Variants in MYBPC3 observed in about 807,000 individuals in gnomAD.
MYBPC3 encodes myosin binding protein C3.
Under a neutral mutation model 159.3 loss-of-function variants are expected in MYBPC3, and 108 were observed. The ratio of observed to expected loss-of-function variants is 0.68; its 90% confidence interval spans 0.58 to 0.80. The LOEUF (loss-of-function observed/expected upper bound fraction) is 0.80. Ranked by LOEUF, MYBPC3 falls within the 30% of genes least tolerant of loss-of-function variation. The pLI is 0.00. For synonymous variants in MYBPC3, 730 were observed against 702.0 expected, an observed-to-expected ratio of 1.04 and a Z score of -0.63; for missense variants, 1,631 against 1,762.1, an observed-to-expected ratio of 0.93 and a Z score of 1.33.
At position 47,338,533 on chromosome 11, in the gene MYBPC3, T is replaced by A. The variant is rs764539455; in HGVS notation, c.2295A>T (p.Thr765=). Residue 765 remains threonine (T), a synonymous_variant, in exon 23 of 35, where the codon ACA becomes ACT. Coordinates refer to ENST00000545968, the MANE Select transcript of MYBPC3 (RefSeq NM_000256.3). The surrounding 1 kb of genome is among the most constrained non-coding windows in gnomAD (Gnocchi z 4.7). ...NPVGEDQVNL[T]VKVIDVPDAP... The stretch of plus-strand genomic sequence containing the variant: ...GGCCGGCCTCACCGATGACCTTGAC[T>A]GTGAGGTTGACCTGGTCCTCGCCCA... 1 of 1,614,034 alleles carries A rather than the reference T, an allele frequency of 6.2e-7. No homozygotes were observed. Among genetic ancestry groups the A allele is most frequent in the Admixed American group, 1.7e-5 (1 of 60,034 alleles).
chr11:47,336,037 G>T (rs2095881987), intron 25 of MYBPC3, 26 bp from the exon 26 acceptor site: 3 of 1,445,596 alleles, frequency 2.1e-6, no homozygotes, highest in Non-Finnish European at 2.7e-6. Context: ...GTCAGAGAGG[G>T]GTCTGAGCAA....
At position 47,346,653 on chromosome 11, in the gene MYBPC3, G is replaced by T; in HGVS notation, c.909-9C>A. On this transcript the variant is annotated splice_polypyrimidine_tract_variant and intron_variant, in intron 10 of 34. Transcript: ENST00000545968. The surrounding 1 kb of genome is among the most constrained non-coding windows in gnomAD (Gnocchi z 5.3). ...TCGGGGTCCGGAAACTGCTGCTCCA[G>T]GGGTGGGGGTGGGAGAAAGGGTAGG... 1 of 1,598,350 alleles carries T rather than the reference G, an allele frequency of 6.3e-7. No homozygotes were observed. Among genetic ancestry groups the T allele is most frequent in the South Asian group, 1.1e-5 (1 of 88,994 alleles).
chr11:47,342,550 C>A, intron 17 of MYBPC3, 28 bp downstream of exon 17: 1 of 1,541,616 alleles, frequency 6.5e-7, no homozygotes, highest in Non-Finnish European at 8.7e-7. Flanking sequence ...AGCCCTAAAG[C>A]CTCATGTGCC....
At chr11:47,335,759 G>A in intron 26 of MYBPC3, 118 bp downstream of exon 26, 1 of 834,872 alleles carries the variant, frequency 1.2e-6, no homozygotes, top group Non-Finnish European at 1.7e-6. Context: ...ATTTCTCTGG[G>A]TGTCCTCAAC....
At chr11:47,349,963 C>T in intron 4 of MYBPC3, 41 bp from the exon 5 acceptor site, 2 of 1,567,848 alleles carry the variant, frequency 1.3e-6, no homozygotes, top group Non-Finnish European at 1.7e-6. Flanking sequence ...GGGGAGTGTC[C>T]TGCTGCCCCC....
At position 47,343,470 on chromosome 11, in the gene MYBPC3, C is replaced by G. The variant is rs1263846244; in HGVS notation, c.1223+22G>C. 5 of 1,564,840 alleles carry G rather than the reference C, an allele frequency of 3.2e-6. No individual in the cohort carries two copies. The Admixed American group carries it at 9.4e-5, about 29-fold the overall frequency. On this transcript the variant is annotated intron_variant, in intron 13 of 34. Coordinates refer to ENST00000545968, the MANE Select transcript of MYBPC3 (RefSeq NM_000256.3). ...GGGGTCCCCACCTCCACCCGAGCCC[C>G]CCTCCCCACCCCAGGCTGCACCTGC...
At chr11:47,339,467 C>T in intron 21 of MYBPC3, 63 bp from the exon 22 acceptor site, 1 of 1,561,268 alleles carries the variant, frequency 6.4e-7, no homozygotes, top group Non-Finnish European at 8.8e-7. Flanking sequence ...AAGCGCCCCT[C>T]TGCTGCTTCT....
At position 47,342,141 on chromosome 11, in the gene MYBPC3, AC is replaced by A. The variant is rs757777349; in HGVS notation, c.1639del (p.Val547CysfsTer8). The A allele has an allele frequency of 6.2e-7, 1 of 1,613,506 alleles. No individual in the cohort carries two copies. Among genetic ancestry groups the A allele is most frequent in the East Asian group, 2.2e-5 (1 of 44,832 alleles). On this transcript the variant is annotated frameshift_variant, in exon 18 of 35. Transcript: ENST00000545968. LOFTEE classifies it high-confidence loss of function. ...ELIVQEKKLE[V>X]YQSIADLMVG... is the part of the protein sequence containing the mutation. ...CATCAGGTCTGCGATGCTCTGGTACACCTCCAGCTTCTTTTCTGCAGGGCAG... is the reference window on the plus strand; with the variant it reads ...CATCAGGTCTGCGATGCTCTGGTACACTCCAGCTTCTTTTCTGCAGGGCAG...
At position 47,332,064 on chromosome 11, in the gene MYBPC3, C is replaced by T. The variant is rs1488843018; in HGVS notation, c.3814+8G>A. On this transcript the variant is annotated splice_region_variant and intron_variant, in intron 33 of 34. Coordinates refer to ENST00000545968, the MANE Select transcript of MYBPC3 (RefSeq NM_000256.3). This position sits in a 1 kb window ranked among gnomAD's most constrained non-coding sequence, Gnocchi z 4.2. Reference sequence around the variant, plus strand: ...ATCTCCCAGGCCCTGGCCCCGAGGGCTCCTCACCTCGCACCTCCAGGCGGC... The same window carrying T: ...ATCTCCCAGGCCCTGGCCCCGAGGGTTCCTCACCTCGCACCTCCAGGCGGC... The T allele has an allele frequency of 2.5e-6, 4 of 1,606,620 alleles. No homozygotes were observed. The highest frequency in any genetic ancestry group is 3.4e-6 in the Non-Finnish European group (4 of 1,175,078).
chr11:47,340,275 A>G (rs768703166), intron 20 of MYBPC3, among the ~76,000 whole-genome samples: 1 of 152,128 alleles, frequency 6.6e-6, no homozygotes, highest in Non-Finnish European at 1.5e-5. Context: ...ACACAGACAC[A>G]TGCACACACA....
chr11:47,343,231 C>G (rs369671269), intron 14 of MYBPC3, 29 bp downstream of exon 14: 2 of 1,573,234 alleles, frequency 1.3e-6, no homozygotes. Context: ...CTGTGCCCCC[C>G]ACCCCAAGCC....
chr11:47,337,764 A>G lies in MYBPC3; in HGVS notation c.2339T>C (p.Ile780Thr), dbSNP rs747912257. 5 of 1,553,958 alleles carry G rather than the reference A, an allele frequency of 3.2e-6. No homozygotes were observed. Among genetic ancestry groups the G allele is most frequent in the Non-Finnish European group, 4.4e-6 (5 of 1,148,672 alleles). ...GCAGGAGTCCTCTCCCACGTTGCTGATCTTGGGGGCCGCAGGTGCGTCTGG... is the reference window on the plus strand; with the variant it reads ...GCAGGAGTCCTCTCCCACGTTGCTGGTCTTGGGGGCCGCAGGTGCGTCTGG... ...DVPDAPAAPK[I>T]SNVGEDSCTV... is the part of the protein sequence containing the mutation. Residue 780 changes from isoleucine to threonine, a missense_variant, in exon 24 of 35, where the codon ATC becomes ACC. Coordinates refer to ENST00000545968, the MANE Select transcript of MYBPC3 (RefSeq NM_000256.3).
Position 47,333,174 on chromosome 11 carries a change from A to G in MYBPC3, c.3330+20T>C, listed in dbSNP as rs1333981658. The stretch of plus-strand genomic sequence containing the variant: ...GGGCCTAGGCAGGGTGCACGTGGGG[A>G]CCCCAGACCCTGGGCTCACCATGGT... On this transcript the variant is annotated intron_variant, in intron 30 of 34. Transcript: ENST00000545968. 1.3e-6 allele frequency: 2 copies of G among 1,597,580 alleles called. No homozygotes were observed. The highest frequency in any genetic ancestry group is 2.3e-5 in the East Asian group (1 of 44,384).
Position 47,342,696 on chromosome 11 carries a change from C to T in MYBPC3, c.1506G>A (p.Arg502=), listed in dbSNP as rs1481158714. The T allele has an allele frequency of 6.2e-7, 1 of 1,614,046 alleles. No homozygotes were observed. The highest frequency in any genetic ancestry group is 8.5e-7 in the Non-Finnish European group (1 of 1,179,900). ...GGTGTCTCTGCCCGTCCTTCTTGAA[C>T]CGGTATTTGAAGGTCTCCTCCCGGG... ...ELTREETFKY[R]FKKDGQRHHL... is the part of the protein sequence containing the mutation. Residue 502 remains arginine, a synonymous_variant, in exon 17 of 35, where the codon CGG becomes CGA. Coordinates refer to ENST00000545968, the MANE Select transcript of MYBPC3 (RefSeq NM_000256.3).
At chr11:47,344,978 C>A (rs183751716) in intron 12 of MYBPC3, among the ~76,000 whole-genome samples, 25 of 152,184 alleles carry the variant, frequency 1.6e-4, no homozygotes, top group African/African-American at 4.6e-4. Flanking sequence ...TTAGTAGAGA[C>A]GGGGTTTCAC....
chr11:47,337,244 T>C, intron 25 of MYBPC3, 147 bp downstream of exon 25: 2 of 848,952 alleles, frequency 2.4e-6, no homozygotes, highest in Non-Finnish European at 3.5e-6. Context: ...TCCTCATCTG[T>C]AAAATGCGGC....
rs549813069 is a variant in MYBPC3, at chr11:47,349,691, C to G, written c.654+83G>C. ...GCAGCTCGTGTGTGCCTCTGGGTCT[C>G]ATGGTGCCCTCTGTGTGCCTTGTGC... On this transcript the variant is annotated intron_variant, in intron 5 of 34. Coordinates refer to ENST00000545968, the MANE Select transcript of MYBPC3 (RefSeq NM_000256.3). 9 of 1,507,430 alleles carry G rather than the reference C, an allele frequency of 6.0e-6. No individual in the cohort carries two copies. The African/African-American group carries it at 6.9e-5, about 12-fold the overall frequency. The allele number at this position is 1,507,430 out of a possible 1,614,324, so 93.4% of individuals were successfully genotyped here.
Position 47,331,857 on chromosome 11 carries a change from A to C in MYBPC3, c.*14T>G, listed in dbSNP as rs2095876457. On this transcript the variant is annotated 3_prime_UTR_variant, in exon 34 of 35. Coordinates refer to ENST00000545968, the MANE Select transcript of MYBPC3 (RefSeq NM_000256.3). ...GGGTGGTACATACCTGGCCATCCCC[A>C]GGAGCCAGCCTGGTCACTGAGGCAC... 6.2e-7 allele frequency: 1 copy of C among 1,608,768 alleles called. No homozygotes were observed. Among genetic ancestry groups the C allele is most frequent in the Non-Finnish European group, 8.5e-7 (1 of 1,177,944 alleles).
chr11:47,345,533 G>A (rs758015750), intron 12 of MYBPC3, among the ~76,000 whole-genome samples: 5 of 152,230 alleles, frequency 3.3e-5, no homozygotes, highest in Middle Eastern at 3.4e-3. Context: ...TTTATAGAGC[G>A]CTCGAGGTGT....
Sources: allele counts gnomAD v4.1 joint callset (sites outside exome capture counted in the v4.1 genomes callset), GRCh38; gene constraint gnomAD v4.1.1; non-coding constraint Gnocchi (gnomAD v3.1); transcripts MANE v1.5; gene names NCBI Gene and HGNC (gene_info 2026-07-23, HGNC 2026-07-21).